CEP95: variants seen among roughly 807,000 people sequenced by gnomAD.
The protein encoded by CEP95 is centrosomal protein of 95 kDa.
CEP95 carries 98 observed loss-of-function variants against 111.2 expected under a neutral mutation model. That is an observed-to-expected ratio of 0.88 (90% CI 0.75 to 1.04). CEP95 has a LOEUF of 1.04. CEP95 is among the 50% of genes least tolerant of loss of function. CEP95 has a pLI of 0.00. For missense variants in CEP95, 1,027 were observed against 977.2 expected, an observed-to-expected ratio of 1.05 and a Z score of -0.68; for synonymous variants, 323 against 327.1, an observed-to-expected ratio of 0.99 and a Z score of 0.14.
At chr17:64,518,635 A>G (rs1555676964) in intron 5 of CEP95, among the ~76,000 whole-genome samples, 1 of 152,148 alleles carries the variant, frequency 6.6e-6, no homozygotes, top group Non-Finnish European at 1.5e-5. Context: ...TTTTTTAGGT[A>G]TAGTACATTG....
intron 12 of CEP95, among the ~76,000 whole-genome samples, chr17:64,529,718 G>T (rs1335795505): frequency 6.6e-6 from 1 of 152,148 alleles, no homozygotes; most frequent in Non-Finnish European, 1.5e-5. Context: ...CAGAGATGAA[G>T]GGAATTTGAG....
At chr17:64,521,598 C>G in intron 7 of CEP95, 71 bp downstream of exon 7, 1 of 1,427,342 alleles carries the variant, frequency 7.0e-7, no homozygotes, top group South Asian at 1.4e-5. Context: ...TGCCATTAGC[C>G]TTTTTACTTT....
chr17:64,510,168 C>G lies in CEP95; in HGVS notation c.149-5C>G, dbSNP rs782167947. 7.1e-5 allele frequency: 111 copies of G among 1,572,382 alleles called. No homozygotes were observed. Among genetic ancestry groups the G allele is most frequent in the Admixed American group, 1.5e-4 (9 of 58,418 alleles). The stretch of plus-strand genomic sequence containing the variant: ...ACAAAATTATGTGATTTTTTCCCCC[C>G]CCAGACCTCATAGTTATTCCTAGGA... On this transcript the variant is annotated splice_polypyrimidine_tract_variant and splice_region_variant and intron_variant, in intron 2 of 19. Coordinates refer to ENST00000556440, the MANE Select transcript of CEP95 (RefSeq NM_138363.3).
intron 4 of CEP95, among the ~76,000 whole-genome samples, chr17:64,515,565 T>C (rs2039097664): frequency 6.6e-6 from 1 of 151,966 alleles, no homozygotes; most frequent in African/African-American, 2.4e-5. Flanking sequence ...AGAGATACTT[T>C]TATGTGAGTC....
chr17:64,509,467 C>G (rs923949352), intron 2 of CEP95, among the ~76,000 whole-genome samples: 1 of 152,208 alleles, frequency 6.6e-6, no homozygotes, highest in Non-Finnish European at 1.5e-5. Context: ...GGTGGATCAC[C>G]TGAGGCCAGG....
chr17:64,530,814 T>C (rs1968221846), intron 12 of CEP95, 112 bp from the exon 13 acceptor site: 3 of 577,624 alleles, frequency 5.2e-6, no homozygotes, highest in East Asian at 6.2e-5. Flanking sequence ...ACCATTGGAA[T>C]TGAAACTCAG....
intron 12 of CEP95, 43 bp from the exon 13 acceptor site, chr17:64,530,883 G>T (rs782025783): frequency 1.7e-6 from 2 of 1,174,140 alleles, no homozygotes; most frequent in Non-Finnish European, 2.4e-6. Context: ...TGCCCGTTGT[G>T]TATGTTTTTA....
chr17:64,519,300 T>C, intron 5 of CEP95, 21 bp from the exon 6 acceptor site: 1 of 1,578,556 alleles, frequency 6.3e-7, no homozygotes, highest in South Asian at 1.1e-5. Context: ...GGGCCCTGAG[T>C]GAAGGAGGGA....
intron 11 of CEP95, 94 bp from the exon 12 acceptor site, chr17:64,529,194 C>T (rs1421747278): frequency 9.0e-7 from 1 of 1,108,920 alleles, no homozygotes; most frequent in Non-Finnish European, 1.3e-6. Flanking sequence ...ATTCACTCAT[C>T]AGTCTCTTTG....
chr17:64,529,502 A>G (rs1280991703), intron 12 of CEP95, 75 bp downstream of exon 12: 2 of 1,457,558 alleles, frequency 1.4e-6, no homozygotes, highest in Non-Finnish European at 1.9e-6. Flanking sequence ...TACCATGAAC[A>G]TGCTGTTGAT....
upstream of CEP95, chr17:64,506,912 G>A (rs2038561737): frequency 1.1e-5 from 8 of 702,882 alleles, no homozygotes; most frequent in South Asian, 1.3e-4. Flanking sequence ...GTGAAAGGAA[G>A]TGCTCCTCTG....
intron 6 of CEP95, among the ~76,000 whole-genome samples, chr17:64,520,055 A>G (rs1156969332): frequency 4.6e-5 from 7 of 152,194 alleles, no homozygotes; most frequent in African/African-American, 1.7e-4. Flanking sequence ...CCAAAAAGCT[A>G]TGCTTGCCAT....
At chr17:64,531,797 T>C in intron 13 of CEP95, 93 bp from the exon 14 acceptor site, 2 of 913,608 alleles carry the variant, frequency 2.2e-6, no homozygotes, top group Non-Finnish European at 3.0e-6. Context: ...AAAACTACCG[T>C]TAGCTGTTTT....
intron 6 of CEP95, among the ~76,000 whole-genome samples, chr17:64,520,835 G>A (rs782820862): frequency 1.2e-4 from 18 of 152,094 alleles, no homozygotes; most frequent in Non-Finnish European, 2.2e-4. Context: ...CGTAACTCTG[G>A]CATCTATTTT....
Position 64,507,127 on chromosome 17 carries a change from C to T in CEP95, c.19+11C>T, listed in dbSNP as rs548598942. ...CAGGCTCGGATGCTGGTGAGTGTCT[C>T]CCTGGGGTCCCAGTATGTGTGGACT... On this transcript the variant is annotated intron_variant, in intron 1 of 19. Transcript: ENST00000556440. The T allele has an allele frequency of 3.3e-5, 51 of 1,551,464 alleles. No homozygotes were observed. Among genetic ancestry groups the T allele is most frequent in the Non-Finnish European group, 4.1e-5 (47 of 1,146,960 alleles).
upstream of CEP95, chr17:64,506,855 C>G (rs1206016224): frequency 1.6e-6 from 1 of 615,288 alleles, no homozygotes; most frequent in South Asian, 1.9e-5. Flanking sequence ...TTTTGGTCGG[C>G]GGAGAATGGT....
In CEP95 at chr17:64,531,969, C is replaced by A; in HGVS notation, c.1619C>A (p.Thr540Asn). 6.2e-7 allele frequency: 1 copy of A among 1,611,286 alleles called. No homozygotes were observed. The highest frequency in any genetic ancestry group is 8.5e-7 in the Non-Finnish European group (1 of 1,179,186). The change falls in exon 14 of 20, where the codon ACC becomes AAC. Residue 540 changes from threonine (T) to asparagine (N), a missense_variant. Transcript: ENST00000556440. ...CCCTGGAAGATTTACTCTAGAAAAACCACAACGCAGAGTCTAAGAGGTGGC... is the reference window on the plus strand; with the variant it reads ...CCCTGGAAGATTTACTCTAGAAAAAACACAACGCAGAGTCTAAGAGGTGGC... Reference protein sequence around the residue: ...SQPWKIYSRKTTTQSLRGGLP... With the variant: ...SQPWKIYSRKNTTQSLRGGLP...
rs782104759 is a variant in CEP95, at chr17:64,526,235, C to T, written c.1152+35C>T. 3 of 1,582,948 alleles carry T rather than the reference C, an allele frequency of 1.9e-6. 1 individual carries two copies. The South Asian group carries it at 3.5e-5, about 19-fold the overall frequency. ...GTTTTTTCATCTATATTGAGATTCC[C>T]ATGGGTTAAGTGAGCATTTAAGTAA... On this transcript the variant is annotated intron_variant, in intron 10 of 19. Transcript: ENST00000556440.
At chr17:64,510,912 G>A (rs782699794) in intron 3 of CEP95, among the ~76,000 whole-genome samples, 4 of 152,142 alleles carry the variant, frequency 2.6e-5, no homozygotes, top group Non-Finnish European at 5.9e-5. Context: ...GCATCGGCAG[G>A]TTTGAGAAAT....
Sources: allele counts gnomAD v4.1 joint callset (sites outside exome capture counted in the v4.1 genomes callset), GRCh38; gene constraint gnomAD v4.1.1; transcripts MANE v1.5; gene names NCBI Gene and HGNC (gene_info 2026-07-23, HGNC 2026-07-21).